PCDHGB7: variants seen among roughly 807,000 people sequenced by gnomAD.
PCDHGB7 encodes the protein protocadherin gamma-B7.
PCDHGB7 carries 37 observed loss-of-function variants against 61.4 expected under a neutral mutation model. The ratio of observed to expected loss-of-function variants is 0.60; its 90% CI spans 0.46 to 0.79. PCDHGB7 has a LOEUF of 0.79. PCDHGB7 is among the 30% of genes least tolerant of loss of function. PCDHGB7 has a pLI of 0.00. For synonymous variants in PCDHGB7, 464 were observed against 503.5 expected (o/e 0.92, Z 1.05); for missense variants, 1,166 against 1,202.5 (o/e 0.97, Z 0.45).
chr5:141,443,733 C>T (rs7723254), intron 1 of PCDHGB7, among the ~76,000 whole-genome samples: 16,856 of 152,062 alleles, frequency 0.11, 1,109 homozygotes, highest in African/African-American at 0.17. Context: ...TCATACATTT[C>T]CCTATCAGTG....
At chr5:141,478,068 A>T (rs560968418) in intron 1 of PCDHGB7, 1 of 1,614,134 alleles carries the variant, frequency 6.2e-7, no homozygotes, top group East Asian at 2.2e-5. Flanking sequence ...ATCAAAGACA[A>T]TGGGGAGCCT....
chr5:141,487,421 C>G lies in PCDHGB7; in HGVS notation c.2416-7386C>G. On this transcript the variant is annotated intron_variant, in intron 1 of 3. Transcript: ENST00000398594. This position sits in a 1 kb window ranked among gnomAD's most constrained non-coding sequence, Gnocchi z 5.0. ...GGGGCTTCCCCCTTCCAATGGGATC[C>G]TCCGAATCCAGCTAGGGTCAGATGA... 1 of 1,614,144 alleles carries G rather than the reference C, an allele frequency of 6.2e-7. No individual in the cohort carries two copies. The highest frequency in any genetic ancestry group is 8.5e-7 in the Non-Finnish European group (1 of 1,180,022).
rs530194567 is a variant in PCDHGB7, at chr5:141,417,884, C to G, written c.25C>G (p.Arg9Gly). Residue 9 changes from arginine (R) to glycine (G), a missense_variant, in exon 1 of 4, where the codon CGC becomes GGC. By Grantham distance (125) the Arg-to-Gly change is moderately radical. Transcript: ENST00000398594. ...GATGGGAGGGAGCTGCGCGCAGAGG[C>G]GCCGGGCCGGCCCGCGGCAGGTACT... MGGSCAQR[R>G]RAGPRQVLFP... 2.1e-4 allele frequency: 327 copies of G among 1,561,600 alleles called. No individual in the cohort carries two copies. In the South Asian group the frequency reaches 3.4e-3, roughly 16 times the overall value.
intron 1 of PCDHGB7, among the ~76,000 whole-genome samples, chr5:141,492,996 AG>A: frequency 6.6e-6 from 1 of 152,348 alleles, no homozygotes; most frequent in Admixed American, 6.5e-5. Flanking sequence ...GCAGATGGAA[AG>A]CTATAGGCTC....
Position 141,431,529 on chromosome 5 carries a change from T to G in PCDHGB7, c.2415+11255T>G, listed in dbSNP as rs145601545. The G allele has an allele frequency of 2.5e-6, 4 of 1,614,074 alleles. No homozygotes were observed. The highest frequency in any genetic ancestry group is 3.4e-6 in the Non-Finnish European group (4 of 1,180,030). ...GCGAGCGTTCCGGAGAATCTGGCCT[T>G]GGGCACGCAGCTGCTTGTAGTCAAC... On this transcript the variant is annotated intron_variant, in intron 1 of 3. Coordinates refer to ENST00000398594, the MANE Select transcript of PCDHGB7 (RefSeq NM_018927.4). The surrounding 1 kb of genome is among the most constrained non-coding windows in gnomAD (Gnocchi z 4.8).
chr5:141,480,145 C>A (rs1331658762), intron 1 of PCDHGB7, among the ~76,000 whole-genome samples: 1 of 151,968 alleles, frequency 6.6e-6, no homozygotes, highest in Non-Finnish European at 1.5e-5. Context: ...CAATTATTAG[C>A]CAGCTCCTAG....
At chr5:141,481,762 GC>G (rs1307001837) in intron 1 of PCDHGB7, among the ~76,000 whole-genome samples, 1 of 152,126 alleles carries the variant, frequency 6.6e-6, no homozygotes, top group Admixed American at 6.5e-5. Context: ...GACCAGCCTG[GC>G]CAACATGGTG....
At position 141,485,287 on chromosome 5, in the gene PCDHGB7, G is replaced by A. The variant is rs1396496143; in HGVS notation, c.2416-9520G>A. 5.0e-6 allele frequency: 8 copies of A among 1,614,064 alleles called. No individual in the cohort carries two copies. The highest frequency in any genetic ancestry group is 6.8e-6 in the Non-Finnish European group (8 of 1,180,002). On this transcript the variant is annotated intron_variant, in intron 1 of 3. Transcript: ENST00000398594. The surrounding 1 kb of genome is among the most constrained non-coding windows in gnomAD (Gnocchi z 5.7). ...AGATCCGCTACCCGGTCCCAGAGGA[G>A]TCACAGGAAGGGACTTTTGTAGGGA...
chr5:141,450,491 G>C (rs1264524088), intron 1 of PCDHGB7, among the ~76,000 whole-genome samples: 1 of 151,896 alleles, frequency 6.6e-6, no homozygotes, highest in Non-Finnish European at 1.5e-5. Context: ...TTGTTTGTCT[G>C]TTTGTTTGTT....
In PCDHGB7 at chr5:141,489,375, G is replaced by A. The variant is rs768190252; in HGVS notation, c.2416-5432G>A. The A allele has an allele frequency of 1.2e-5, 19 of 1,613,826 alleles. No individual in the cohort carries two copies. The Admixed American group carries it at 3.2e-4, about 27-fold the overall frequency. ...AGGAGTCTGAGCCGGGGACGCTGGT[G>A]GGGAATGTTGCTCAGGATCTGGGCT... On this transcript the variant is annotated intron_variant, in intron 1 of 3. Transcript: ENST00000398594. The surrounding 1 kb of genome is among the most constrained non-coding windows in gnomAD (Gnocchi z 4.5).
At chr5:141,445,767 T>C (rs2098476828) in intron 1 of PCDHGB7, among the ~76,000 whole-genome samples, 1 of 152,142 alleles carries the variant, frequency 6.6e-6, no homozygotes, top group African/African-American at 2.4e-5. Flanking sequence ...ACTCAAGCAA[T>C]TTAAAAGGGC....
In PCDHGB7 at chr5:141,432,006, C is replaced by T. The variant is rs138689793; in HGVS notation, c.2415+11732C>T. Reference sequence around the variant, plus strand: ...ATAGTCTTGGATAGGGAACAGGTTCCTAGCTACAACATCACAGTGACCGCC... The same window carrying T: ...ATAGTCTTGGATAGGGAACAGGTTCTTAGCTACAACATCACAGTGACCGCC... On this transcript the variant is annotated intron_variant, in intron 1 of 3. Transcript: ENST00000398594. This position sits in a 1 kb window ranked among gnomAD's most constrained non-coding sequence, Gnocchi z 6.0. The T allele has an allele frequency of 2.6e-4, 412 of 1,614,186 alleles. 2 individuals carry two copies. The African/African-American group carries it at 4.6e-3, about 18-fold the overall frequency.
In PCDHGB7 at chr5:141,486,657, T is replaced by G. The variant is rs1171065175; in HGVS notation, c.2416-8150T>G. On this transcript the variant is annotated intron_variant, in intron 1 of 3. Transcript: ENST00000398594. The surrounding 1 kb of genome is among the most constrained non-coding windows in gnomAD (Gnocchi z 5.0). ...AATGCGCTTATCTCCTACTCACTCC[T>G]GGAGCCCAGGAATCGAGATGTATCA... 3 of 1,614,010 alleles carry G rather than the reference T, an allele frequency of 1.9e-6. No homozygotes were observed. Among genetic ancestry groups the G allele is most frequent in the Non-Finnish European group, 2.5e-6 (3 of 1,180,030 alleles).
At position 141,511,426 on chromosome 5, in the gene PCDHGB7, G is replaced by C. The variant is rs2099883789; in HGVS notation, c.*253G>C. 2.5e-6 allele frequency: 2 copies of C among 798,652 alleles called. No homozygotes were observed. The highest frequency in any genetic ancestry group is 3.8e-6 in the Non-Finnish European group (2 of 529,972). 49.5% of individuals were successfully genotyped at this position (798,652 alleles called of 1,614,324 possible). ...CAACTGCTGTACCCATGGGGGTAGTGGGGTTACTGTAGACACCAAGAACCA... is the reference window on the plus strand; with the variant it reads ...CAACTGCTGTACCCATGGGGGTAGTCGGGTTACTGTAGACACCAAGAACCA... On this transcript the variant is annotated 3_prime_UTR_variant, in exon 4 of 4. Transcript: ENST00000398594.
chr5:141,502,866 CTT>C (rs549047197), intron 2 of PCDHGB7, among the ~76,000 whole-genome samples: 3 of 127,996 alleles, frequency 2.3e-5, no homozygotes, highest in Admixed American at 8.6e-5. Flanking sequence ...GACTCTCTGT[CTT>C]TTTTTTTTTT....
In PCDHGB7 at chr5:141,490,658, T is replaced by A. The variant is rs776806248; in HGVS notation, c.2416-4149T>A. The A allele has an allele frequency of 8.1e-6, 13 of 1,614,204 alleles. No homozygotes were observed. The South Asian group carries it at 1.4e-4, about 18-fold the overall frequency. ...GAAAACCGGCCTCCGGGCTCCCTTC[T>A]TTGCACTGTGGCTGCCTCAGATCCA... On this transcript the variant is annotated intron_variant, in intron 1 of 3. Transcript: ENST00000398594. The surrounding 1 kb of genome is among the most constrained non-coding windows in gnomAD (Gnocchi z 5.4).
Position 141,476,085 on chromosome 5 carries a change from G to C in PCDHGB7, c.2416-18722G>C, listed in dbSNP as rs1163057402. On this transcript the variant is annotated intron_variant, in intron 1 of 3. Coordinates refer to ENST00000398594, the MANE Select transcript of PCDHGB7 (RefSeq NM_018927.4). This position sits in a 1 kb window ranked among gnomAD's most constrained non-coding sequence, Gnocchi z 7.6. ...TCAGCGAAATCTCAGGGACGATCTG[G>C]ACCCCGCTGAGAGGAACTGCTTTTG... 1.3e-6 allele frequency: 2 copies of C among 1,551,682 alleles called. No individual in the cohort carries two copies. Among genetic ancestry groups the C allele is most frequent in the East Asian group, 2.3e-5 (1 of 44,392 alleles).
chr5:141,422,447 C>G, intron 1 of PCDHGB7: 2 of 1,610,922 alleles, frequency 1.2e-6, no homozygotes, highest in Non-Finnish European at 1.7e-6. Flanking sequence ...AAATTGATAA[C>G]AAGCAGAGTG....
At position 141,486,827 on chromosome 5, in the gene PCDHGB7, C is replaced by G. The variant is rs758132181; in HGVS notation, c.2416-7980C>G. 1.2e-6 allele frequency: 2 copies of G among 1,614,228 alleles called. No homozygotes were observed. Among genetic ancestry groups the G allele is most frequent in the Admixed American group, 1.7e-5 (1 of 60,034 alleles). On this transcript the variant is annotated intron_variant, in intron 1 of 3. Transcript: ENST00000398594. This position sits in a 1 kb window ranked among gnomAD's most constrained non-coding sequence, Gnocchi z 5.0. ...ACCCCTTAGCAGCACTGTAACAGTTCGTCTATTTGTGCTGGACCTCAATGA... is the reference window on the plus strand; with the variant it reads ...ACCCCTTAGCAGCACTGTAACAGTTGGTCTATTTGTGCTGGACCTCAATGA...
Sources: gnomAD v4.1 joint callset for allele counts (sites outside exome capture counted in the v4.1 genomes callset) on GRCh38, gnomAD v4.1.1 for gene constraint, Gnocchi (gnomAD v3.1) non-coding constraint, MANE v1.5 for transcripts, NCBI Gene and HGNC (gene_info 2026-07-23, HGNC 2026-07-21) for gene names.